DAP: variants seen among roughly 807,000 people sequenced by gnomAD.
The protein encoded by DAP is death associated protein.
In DAP, 8 loss-of-function variants were observed where a neutral mutation model predicts 13.8. The observed-to-expected ratio is 0.58, with a 90% CI of 0.34 to 1.05. The LOEUF (loss-of-function observed/expected upper bound fraction) is 1.05, where lower values mean the gene tolerates loss of function less well. Ranked by LOEUF, DAP falls within the 50% of genes least tolerant of loss-of-function variation. The pLI is 0.03. For synonymous variants in DAP, 47 were observed against 47.5 expected, an observed-to-expected ratio of 0.99 and a Z score of 0.04; for missense variants, 106 against 133.2, an observed-to-expected ratio of 0.80 and a Z score of 1.01.
At chr5:10,689,491 C>T (rs946766881) in intron 2 of DAP, among the ~76,000 whole-genome samples, 8 of 152,198 alleles carry the variant, frequency 5.3e-5, no homozygotes, top group African/African-American at 1.2e-4. Flanking sequence ...CCCAAATTCA[C>T]GGAGATAGCT....
At chr5:10,726,415 G>A (rs1739289820) in intron 2 of DAP, among the ~76,000 whole-genome samples, 1 of 152,222 alleles carries the variant, frequency 6.6e-6, no homozygotes, top group Non-Finnish European at 1.5e-5. Flanking sequence ...CTAACTCTGG[G>A]AGCTCATGAG....
At position 10,711,134 on chromosome 5, in the gene DAP, C is replaced by A. The variant is rs1027937348; in HGVS notation, c.153-27563G>T. On this transcript the variant is annotated intron_variant, in intron 2 of 3. Transcript: ENST00000230895. ...AATAAATATGGCCATGGGGTCCACACTCCCATGTTTTGAAATGAGGGGAGA... is the reference window on the plus strand; with the variant it reads ...AATAAATATGGCCATGGGGTCCACAATCCCATGTTTTGAAATGAGGGGAGA... 3.9e-5 allele frequency among the ~76,000 whole-genome samples: 6 copies of A among 152,226 alleles called. No individual in the cohort carries two copies. In the South Asian group the frequency reaches 6.2e-4, roughly 16 times the overall value.
At chr5:10,760,990 G>A in intron 1 of DAP, 24 bp downstream of exon 1, 3 of 1,222,338 alleles carry the variant, frequency 2.5e-6, no homozygotes, top group Non-Finnish European at 3.1e-6. Flanking sequence ...CCCGCGCGTG[G>A]AGAGAGAGGA....
intron 2 of DAP, among the ~76,000 whole-genome samples, chr5:10,741,922 ACT>A (rs1207009993): frequency 3.3e-5 from 5 of 152,132 alleles, no homozygotes; most frequent in African/African-American, 9.6e-5. Flanking sequence ...CGGTAAAGAC[ACT>A]CTTTTCATTT....
At chr5:10,753,287 A>G (rs2930059) in intron 1 of DAP, among the ~76,000 whole-genome samples, 62,862 of 152,168 alleles carry the variant, frequency 0.41, 13,325 homozygotes, top group Middle Eastern at 0.6. Context: ...GCAAGCGGCA[A>G]ACTGGGTTCC....
intron 2 of DAP, among the ~76,000 whole-genome samples, chr5:10,702,234 C>T (rs973295007): frequency 2.6e-5 from 4 of 152,184 alleles, no homozygotes; most frequent in South Asian, 2.1e-4. Context: ...ATGACATCAC[C>T]GGTCAGCGAC....
intron 3 of DAP, among the ~76,000 whole-genome samples, chr5:10,682,358 A>C (rs1738040364): frequency 1.3e-5 from 2 of 150,298 alleles, no homozygotes; most frequent in African/African-American, 4.9e-5. Flanking sequence ...AGGAAGCTCC[A>C]GGCCAGCGCC....
chr5:10,760,418 C>G (rs1004366796), intron 1 of DAP, among the ~76,000 whole-genome samples: 3 of 152,100 alleles, frequency 2.0e-5, no homozygotes, highest in Non-Finnish European at 2.9e-5. Flanking sequence ...TCTTTCCTGG[C>G]TTTAACTTCC....
intron 2 of DAP, among the ~76,000 whole-genome samples, chr5:10,697,173 C>T (rs931934493): frequency 5.9e-5 from 9 of 152,266 alleles, no homozygotes; most frequent in African/African-American, 1.7e-4. Context: ...TCTCTAAAGA[C>T]GCTAGATCAG....
chr5:10,735,913 T>C (rs939721620), intron 2 of DAP, among the ~76,000 whole-genome samples: 3 of 152,222 alleles, frequency 2.0e-5, no homozygotes, highest in African/African-American at 7.2e-5. Context: ...GTTGAGATCC[T>C]AGGCTCCAGT....
At position 10,726,769 on chromosome 5, in the gene DAP, G is replaced by T. The variant is rs559300682; in HGVS notation, c.152+21406C>A. Among the ~76,000 whole-genome samples, 20 of 152,322 alleles carry T rather than the reference G, an allele frequency of 1.3e-4. No individual in the cohort carries two copies. The South Asian group carries it at 4.1e-3, about 32-fold the overall frequency. On this transcript the variant is annotated intron_variant, in intron 2 of 3. Coordinates refer to ENST00000230895, the MANE Select transcript of DAP (RefSeq NM_004394.3). ...TGCATGTGTGTGGAAAAGTGTGTGT[G>T]TGTGTGAGTATGAGTGTTCACAACA...
intron 2 of DAP, among the ~76,000 whole-genome samples, chr5:10,695,823 T>C (rs146580735): frequency 6.6e-6 from 1 of 152,320 alleles, no homozygotes; most frequent in East Asian, 1.9e-4. Flanking sequence ...CACCCACAGA[T>C]ATTTGGCTAA....
At chr5:10,714,530 A>G (rs1347569393) in intron 2 of DAP, among the ~76,000 whole-genome samples, 1 of 152,248 alleles carries the variant, frequency 6.6e-6, no homozygotes, top group Non-Finnish European at 1.5e-5. Context: ...GAAAACAGGT[A>G]ATACAAATAA....
chr5:10,714,532 T>C (rs1259548693), intron 2 of DAP, among the ~76,000 whole-genome samples: 1 of 152,050 alleles, frequency 6.6e-6, no homozygotes, highest in African/African-American at 2.4e-5. Flanking sequence ...AAACAGGTAA[T>C]ACAAATAAAA....
intron 2 of DAP, among the ~76,000 whole-genome samples, chr5:10,717,121 T>C (rs540022243): frequency 6.6e-6 from 1 of 152,348 alleles, no homozygotes; most frequent in South Asian, 2.1e-4. Context: ...AGGAACATAA[T>C]GCAGCTTGTT....
intron 2 of DAP, among the ~76,000 whole-genome samples, chr5:10,722,615 CATATATACACACATATATATACATAT>C (rs1311169029): frequency 6.8e-6 from 1 of 147,538 alleles, no homozygotes; most frequent in Non-Finnish European, 1.5e-5. Context: ...CATATATACA[CATATATACACACATATATATACATAT>C]ATATATATGT....
chr5:10,729,661 C>A (rs1739386329), intron 2 of DAP, among the ~76,000 whole-genome samples: 1 of 152,214 alleles, frequency 6.6e-6, no homozygotes, highest in Non-Finnish European at 1.5e-5. Flanking sequence ...CTACAGCCAA[C>A]CACATTCTGA....
chr5:10,746,995 C>A (rs267946), intron 2 of DAP, among the ~76,000 whole-genome samples: 108 of 152,312 alleles, frequency 7.1e-4, no homozygotes, highest in African/African-American at 2.6e-3. Context: ...ATGATATGGG[C>A]AAGCTGATAT....
intron 2 of DAP, among the ~76,000 whole-genome samples, chr5:10,712,684 G>A (rs747453242): frequency 6.6e-6 from 1 of 152,172 alleles, no homozygotes; most frequent in African/African-American, 2.4e-5. Flanking sequence ...GACCAACATG[G>A]CACAGGGGAG....
Sources: gnomAD v4.1 joint callset for allele counts (sites outside exome capture counted in the v4.1 genomes callset) on GRCh38, gnomAD v4.1.1 for gene constraint, MANE v1.5 for transcripts, NCBI Gene and HGNC (gene_info 2026-07-23, HGNC 2026-07-21) for gene names.